The following ADAMTSL3 variants were observed in gnomAD, a reference collection of about 807,000 sequenced individuals.
The protein encoded by ADAMTSL3 is ADAMTS like 3.
Under a neutral mutation model 201.7 loss-of-function variants are expected in ADAMTSL3, and 128 were observed. That is an observed-to-expected ratio of 0.63 (90% CI 0.55 to 0.73). ADAMTSL3 has a LOEUF of 0.73. ADAMTSL3 is among the 30% of genes least tolerant of loss of function. The probability of loss-of-function intolerance (pLI) is 0.00; values close to 1 mark genes in which losing one functional copy is unlikely to be tolerated. For missense variants in ADAMTSL3, 1,990 were observed against 2,119.6 expected (o/e 0.94, Z 1.20); for synonymous variants, 738 against 748.4 (o/e 0.99, Z 0.23).
intron 2 of ADAMTSL3, among the ~76,000 whole-genome samples, chr15:83,695,636 A>C (rs1196333643): frequency 3.9e-5 from 6 of 152,314 alleles, no homozygotes; most frequent in African/African-American, 1.4e-4. Context: ...CAATATTAGA[A>C]GAACATATAA....
At chr15:83,664,258 TTTTTC>T (rs2061217536) in intron 2 of ADAMTSL3, among the ~76,000 whole-genome samples, 1 of 150,934 alleles carries the variant, frequency 6.6e-6, no homozygotes. Flanking sequence ...TGTTTCTTTC[TTTTTC>T]TTTTCTTTTC....
chr15:83,828,600 G>T (rs865931406), intron 6 of ADAMTSL3, among the ~76,000 whole-genome samples: 12 of 152,126 alleles, frequency 7.9e-5, no homozygotes, highest in African/African-American at 2.2e-4. Flanking sequence ...TCCCTGTCTT[G>T]TGCCAGTTTT....
At chr15:83,915,897 T>C (rs182294790) in intron 16 of ADAMTSL3, among the ~76,000 whole-genome samples, 11 of 152,354 alleles carry the variant, frequency 7.2e-5, no homozygotes, top group Admixed American at 7.2e-4. Context: ...CATCGGCTGA[T>C]AGAAATTTGA....
rs369553064 is a variant in ADAMTSL3, at chr15:83,892,893, G to C, written c.1467+5G>C. The C allele has an allele frequency of 4.0e-5, 64 of 1,611,088 alleles. No individual in the cohort carries two copies. Among genetic ancestry groups the C allele is most frequent in the Non-Finnish European group, 5.3e-5 (62 of 1,177,676 alleles). On this transcript the variant is annotated splice_donor_5th_base_variant and intron_variant, in intron 13 of 29. Transcript: ENST00000286744. ...ATTGCCATGGAGTGGTCTCAGGTAA[G>C]ATTTGAGAATATGCCACTTTTAATT...
intron 3 of ADAMTSL3, among the ~76,000 whole-genome samples, chr15:83,762,774 AT>A (rs2062828155): frequency 6.6e-6 from 1 of 152,108 alleles, no homozygotes. Context: ...CCTTTGTTTT[AT>A]TTTTCAGCTA....
intron 3 of ADAMTSL3, among the ~76,000 whole-genome samples, chr15:83,729,486 G>A (rs1054169809): frequency 4.6e-5 from 7 of 151,698 alleles, no homozygotes; most frequent in Non-Finnish European, 8.8e-5. Flanking sequence ...CAAATAGCCT[G>A]TCTTCAAGCT....
intron 9 of ADAMTSL3, among the ~76,000 whole-genome samples, chr15:83,879,421 A>T (rs2141850986): frequency 6.6e-6 from 1 of 152,218 alleles, no homozygotes; most frequent in Admixed American, 6.5e-5. Flanking sequence ...CCTTATATTT[A>T]ATTTAATAAT....
chr15:83,717,195 G>A (rs1025846872), intron 3 of ADAMTSL3, among the ~76,000 whole-genome samples: 2 of 152,142 alleles, frequency 1.3e-5, no homozygotes, highest in Non-Finnish European at 2.9e-5. Flanking sequence ...CTCAACAAAT[G>A]TTGATTGAAT....
intron 23 of ADAMTSL3, 57 bp from the exon 24 acceptor site, chr15:84,014,485 T>C: frequency 1.3e-6 from 2 of 1,504,104 alleles, no homozygotes; most frequent in South Asian, 2.3e-5. Flanking sequence ...TGTCAAGTGG[T>C]TCTGTGGCCC....
At chr15:83,746,825 C>T (rs956479897) in intron 3 of ADAMTSL3, among the ~76,000 whole-genome samples, 4 of 152,082 alleles carry the variant, frequency 2.6e-5, no homozygotes, top group African/African-American at 9.7e-5. Flanking sequence ...GATTGTACCA[C>T]TGCACTCCAG....
At chr15:83,822,454 C>T (rs2063899695) in intron 6 of ADAMTSL3, among the ~76,000 whole-genome samples, 1 of 134,720 alleles carries the variant, frequency 7.4e-6, no homozygotes, top group Admixed American at 7.2e-5. Context: ...GGTTGCCAGG[C>T]GGAGGGTCTC....
At chr15:83,794,661 T>G (rs2063395091) in intron 4 of ADAMTSL3, among the ~76,000 whole-genome samples, 1 of 147,068 alleles carries the variant, frequency 6.8e-6, no homozygotes, top group South Asian at 2.2e-4. Flanking sequence ...GAGGATAGGG[T>G]GGGGGGGAGG....
chr15:83,977,717 G>T (rs1237288639), intron 20 of ADAMTSL3, among the ~76,000 whole-genome samples: 1 of 152,196 alleles, frequency 6.6e-6, no homozygotes, highest in Non-Finnish European at 1.5e-5. Flanking sequence ...TTTGTCACTA[G>T]GGGGCCCTTG....
chr15:83,958,134 G>C (rs1195642544), intron 19 of ADAMTSL3, among the ~76,000 whole-genome samples: 3 of 152,158 alleles, frequency 2.0e-5, no homozygotes, highest in African/African-American at 7.2e-5. Context: ...AAAAAGAGGA[G>C]AGACAGGGCC....
At position 83,968,651 on chromosome 15, in the gene ADAMTSL3, C is replaced by T. The variant is rs534644406; in HGVS notation, c.2491-1833C>T. Among the ~76,000 whole-genome samples the T allele has an allele frequency of 2.3e-3, 345 of 152,318 alleles. 1 individual carries two copies. The highest frequency in any genetic ancestry group is 7.9e-3 in the African/African-American group (328 of 41,572). On this transcript the variant is annotated intron_variant, in intron 19 of 29. Coordinates refer to ENST00000286744, the MANE Select transcript of ADAMTSL3 (RefSeq NM_207517.3). ...CAGAAATACCATTTGATCCAGCAATCCCATAACTGGGTATATACCCAAAGG... is the reference window on the plus strand; with the variant it reads ...CAGAAATACCATTTGATCCAGCAATTCCATAACTGGGTATATACCCAAAGG...
chr15:83,946,309 T>C (rs1273677078), intron 19 of ADAMTSL3, among the ~76,000 whole-genome samples: 1 of 152,218 alleles, frequency 6.6e-6, no homozygotes, highest in Non-Finnish European at 1.5e-5. Context: ...ATCACTAAAG[T>C]AACACCATTG....
intron 2 of ADAMTSL3, among the ~76,000 whole-genome samples, chr15:83,678,023 A>C (rs2141414114): frequency 6.6e-6 from 1 of 151,598 alleles, no homozygotes; most frequent in South Asian, 2.1e-4. Flanking sequence ...ACTGATACCA[A>C]CTTTACCACC....
intron 2 of ADAMTSL3, among the ~76,000 whole-genome samples, chr15:83,680,222 A>G (rs777881990): frequency 2.6e-5 from 4 of 152,108 alleles, no homozygotes; most frequent in East Asian, 1.9e-4. Flanking sequence ...AGTCCAGAAC[A>G]TATGGAATGT....
intron 9 of ADAMTSL3, among the ~76,000 whole-genome samples, chr15:83,882,615 T>C (rs1230160497): frequency 2.0e-5 from 3 of 152,176 alleles, no homozygotes; most frequent in African/African-American, 4.8e-5. Flanking sequence ...GGAAAATATA[T>C]TTATTTCATT....
Sources: gnomAD v4.1 joint callset for allele counts (sites outside exome capture counted in the v4.1 genomes callset) on GRCh38, gnomAD v4.1.1 for gene constraint, MANE v1.5 for transcripts, NCBI Gene and HGNC (gene_info 2026-07-23, HGNC 2026-07-21) for gene names.